The following PCDHA10 variants were observed in gnomAD, a reference collection of about 807,000 sequenced individuals.
PCDHA10 encodes protocadherin alpha-10.
PCDHA10 carries 45 observed loss-of-function variants against 61.2 expected under a neutral mutation model. The ratio of observed to expected loss-of-function variants is 0.74; its 90% CI spans 0.58 to 0.94. The LOEUF is 0.94. Among genes scored for constraint, PCDHA10 ranks in the 40% least tolerant of loss-of-function variants. The pLI is 0.00. For synonymous variants in PCDHA10, 602 were observed against 548.8 expected (o/e 1.10, Z -1.35); for missense variants, 1,278 against 1,236.2 (o/e 1.03, Z -0.51).
At chr5:140,883,519 C>T (rs1554178517) in intron 1 of PCDHA10, 12 of 1,614,190 alleles carry the variant, frequency 7.4e-6, no homozygotes, top group Non-Finnish European at 1.0e-5. Flanking sequence ...ACCGCGAGAG[C>T]GTATCAGCCT....
chr5:140,890,515 T>C (rs996565867), intron 1 of PCDHA10, among the ~76,000 whole-genome samples: 2 of 152,198 alleles, frequency 1.3e-5, no homozygotes, highest in African/African-American at 4.8e-5. Context: ...CTCTATTTCC[T>C]TCCTTTGTTG....
Position 140,857,121 on chromosome 5 carries a change from T to C in PCDHA10, c.1073T>C (p.Val358Ala). 3.1e-6 allele frequency: 5 copies of C among 1,597,978 alleles called. 1 individual carries two copies. Among genetic ancestry groups the C allele is most frequent in the Non-Finnish European group, 4.3e-6 (5 of 1,167,600 alleles). ...EVIVTSLSLP[V>A]KEDAQVGTVI... ...ATTGTCACTTCTCTGTCTCTCCCAG[T>C]GAAAGAAGATGCTCAAGTGGGCACC... Residue 358 changes from valine (V) to alanine (A), a missense_variant, in exon 1 of 4, where the codon GTG becomes GCG. Transcript: ENST00000307360.
rs1554164263 is a variant in PCDHA10, at chr5:140,870,437, C to T, written c.2388+12001C>T. ...ACGGCCAGGGTATCCGTGGAGGTGG[C>T]CGACGTGAACGACAATGCGCCTGCG... On this transcript the variant is annotated intron_variant, in intron 1 of 3. Transcript: ENST00000307360. 3.1e-6 allele frequency: 5 copies of T among 1,614,210 alleles called. No homozygotes were observed. In the East Asian group the frequency reaches 1.1e-4, roughly 36 times the overall value.
intron 1 of PCDHA10, among the ~76,000 whole-genome samples, chr5:140,931,584 AAC>A (rs1355868674): frequency 1.3e-5 from 2 of 152,054 alleles, no homozygotes; most frequent in Admixed American, 1.3e-4. Flanking sequence ...CATTCAGTTG[AAC>A]AGTCTTTTTC....
In PCDHA10 at chr5:140,870,824, G is replaced by A. The variant is rs1296646483; in HGVS notation, c.2388+12388G>A. On this transcript the variant is annotated intron_variant, in intron 1 of 3. Coordinates refer to ENST00000307360, the MANE Select transcript of PCDHA10 (RefSeq NM_018901.4). ...GCGACTCAGGCTGGCAGCGCGGGAG[G>A]CGCAGTTAACAAGCTAGTACCGCGG... 8.7e-6 allele frequency: 14 copies of A among 1,613,638 alleles called. No homozygotes were observed. The East Asian group carries it at 2.9e-4, about 33-fold the overall frequency.
chr5:140,897,311 C>T (rs1460942002), intron 1 of PCDHA10, among the ~76,000 whole-genome samples: 7 of 150,308 alleles, frequency 4.7e-5, no homozygotes, highest in Non-Finnish European at 7.4e-5. Context: ...TTAGGTATAT[C>T]TCCTAAAGCT....
chr5:140,941,239 C>CTTTCTTTCTTTCTT (rs2092937531), intron 1 of PCDHA10, among the ~76,000 whole-genome samples: 2 of 134,500 alleles, frequency 1.5e-5, no homozygotes, highest in Non-Finnish European at 1.6e-5. Context: ...TTCTTTCTTT[C>CTTTCTTTCTTTCTT]TTTCTTTCTT....
At chr5:140,968,749 G>A in intron 1 of PCDHA10, 1 of 1,614,150 alleles carries the variant, frequency 6.2e-7, no homozygotes, top group Non-Finnish European at 8.5e-7. Context: ...TGACCGTGGT[G>A]GTCCGAGATA....
intron 1 of PCDHA10, chr5:140,869,970 A>G: frequency 3.7e-6 from 6 of 1,613,166 alleles, no homozygotes; most frequent in Non-Finnish European, 5.1e-6. Context: ...CCAATGGAAG[A>G]CACTTATTTA....
chr5:140,901,092 T>C (rs1374524038), intron 1 of PCDHA10, among the ~76,000 whole-genome samples: 5 of 152,228 alleles, frequency 3.3e-5, no homozygotes, highest in African/African-American at 1.2e-4. Context: ...TTGAGCTCCT[T>C]CTACATTCTG....
intron 1 of PCDHA10, chr5:140,871,241 C>G (rs782602807): frequency 3.7e-6 from 6 of 1,613,972 alleles, no homozygotes; most frequent in Non-Finnish European, 5.1e-6. Flanking sequence ...CTGGTACTCA[C>G]GCTGCTGCTG....
At chr5:140,905,910 A>G (rs2153491860) in intron 1 of PCDHA10, among the ~76,000 whole-genome samples, 1 of 152,334 alleles carries the variant, frequency 6.6e-6, no homozygotes, top group Admixed American at 6.5e-5. Context: ...GGAGCAAGGA[A>G]TCCAATCTGA....
intron 1 of PCDHA10, chr5:140,882,788 C>G: frequency 6.2e-7 from 1 of 1,614,216 alleles, no homozygotes; most frequent in Non-Finnish European, 8.5e-7. Flanking sequence ...CCGACTGGAT[C>G]CCAACGATTA....
At chr5:140,888,544 C>T (rs1295573540) in intron 1 of PCDHA10, among the ~76,000 whole-genome samples, 1 of 152,140 alleles carries the variant, frequency 6.6e-6, no homozygotes, top group Non-Finnish European at 1.5e-5. Flanking sequence ...TGCTCAGTAC[C>T]AATTTATTCC....
At chr5:140,870,241 G>A (rs782478787) in intron 1 of PCDHA10, 2 of 1,614,196 alleles carry the variant, frequency 1.2e-6, no homozygotes, top group South Asian at 1.1e-5. Flanking sequence ...TGACTCAGGT[G>A]TCAACGGACA....
At chr5:140,985,519 C>G (rs945399310) in intron 3 of PCDHA10, among the ~76,000 whole-genome samples, 7 of 152,120 alleles carry the variant, frequency 4.6e-5, no homozygotes, top group African/African-American at 1.7e-4. Flanking sequence ...TTCTGTTGCC[C>G]TTAAAGCTTC....
chr5:140,968,477 G>T, intron 1 of PCDHA10: 1 of 1,614,112 alleles, frequency 6.2e-7, no homozygotes, highest in Non-Finnish European at 8.5e-7. Flanking sequence ...ATATGTGGTG[G>T]ACATGAATGA....
At chr5:140,988,579 C>T (rs1292742279) in intron 3 of PCDHA10, among the ~76,000 whole-genome samples, 2 of 152,266 alleles carry the variant, frequency 1.3e-5, no homozygotes, top group East Asian at 3.9e-4. Context: ...CACTCTGTAC[C>T]TTCCACTTTT....
intron 1 of PCDHA10, among the ~76,000 whole-genome samples, chr5:140,945,159 A>G (rs1341706509): frequency 2.0e-5 from 3 of 152,178 alleles, no homozygotes; most frequent in Non-Finnish European, 4.4e-5. Flanking sequence ...TACACTATTG[A>G]ACTATCTGAA....
Sources: allele counts gnomAD v4.1 joint callset (sites outside exome capture counted in the v4.1 genomes callset), GRCh38; gene constraint gnomAD v4.1.1; transcripts MANE v1.5; gene names NCBI Gene and HGNC (gene_info 2026-07-23, HGNC 2026-07-21).